The following SGCD variants were observed in gnomAD, a reference collection of about 807,000 sequenced individuals.
The protein encoded by SGCD is sarcoglycan delta.
Under a neutral mutation model 36.6 loss-of-function variants are expected in SGCD, and 18 were observed. The ratio of observed to expected loss-of-function variants is 0.49; its 90% CI spans 0.34 to 0.73. The LOEUF (loss-of-function observed/expected upper bound fraction) is 0.73. SGCD is among the 30% of genes least tolerant of loss of function. The probability of loss-of-function intolerance (pLI) is 0.01; values close to 1 mark genes in which losing one functional copy is unlikely to be tolerated. For synonymous variants in SGCD, 133 were observed against 130.6 expected (o/e 1.02, Z -0.12); for missense variants, 387 against 346.7 (o/e 1.12, Z -0.92).
chr5:156,723,266 A>G (rs1755601448), intron 7 of SGCD, among the ~76,000 whole-genome samples: 1 of 152,238 alleles, frequency 6.6e-6, no homozygotes, highest in Non-Finnish European at 1.5e-5. Flanking sequence ...TGTCACCTCC[A>G]TCCTGCTCCT....
intron 3 of SGCD, among the ~76,000 whole-genome samples, chr5:156,492,300 A>G (rs1755980040): frequency 1.3e-5 from 2 of 152,138 alleles, no homozygotes; most frequent in African/African-American, 4.8e-5. Flanking sequence ...ATGTGTGTGT[A>G]TGGATTTTTA....
intron 6 of SGCD, among the ~76,000 whole-genome samples, chr5:156,631,444 C>T (rs374827871): frequency 4.1e-5 from 6 of 147,636 alleles, no homozygotes; most frequent in Admixed American, 6.8e-5. Context: ...TCTGCAGATA[C>T]GGGTTTTGAC....
At chr5:156,578,417 T>A (rs975812891) in intron 4 of SGCD, among the ~76,000 whole-genome samples, 38 of 152,346 alleles carry the variant, frequency 2.5e-4, no homozygotes, top group African/African-American at 8.9e-4. Context: ...ATCAGGATGA[T>A]GCTGGCCTCA....
intron 3 of SGCD, among the ~76,000 whole-genome samples, chr5:156,351,243 A>G (rs1451386738): frequency 1.3e-5 from 2 of 152,176 alleles, no homozygotes; most frequent in Non-Finnish European, 2.9e-5. Flanking sequence ...TATAAACTTA[A>G]TATCTACCCA....
intron 3 of SGCD, among the ~76,000 whole-genome samples, chr5:156,154,853 G>A (rs1443422807): frequency 6.6e-6 from 1 of 151,450 alleles, no homozygotes; most frequent in Non-Finnish European, 1.5e-5. Flanking sequence ...TTTCAAGAGG[G>A]CTGAAAATCA....
At chr5:156,642,709 C>T (rs563708084) in intron 6 of SGCD, among the ~76,000 whole-genome samples, 82 of 152,050 alleles carry the variant, frequency 5.4e-4, no homozygotes, top group East Asian at 7.8e-4. Context: ...CGTCATGATC[C>T]GCCTGCCTCA....
intron 6 of SGCD, among the ~76,000 whole-genome samples, chr5:156,623,033 T>C (rs1023220862): frequency 4.6e-5 from 7 of 152,076 alleles, no homozygotes; most frequent in Non-Finnish European, 1.0e-4. Context: ...AATATACATA[T>C]ATATTTTTGT....
At chr5:155,970,352 G>A (rs960056199) in intron 1 of SGCD, among the ~76,000 whole-genome samples, 9 of 151,922 alleles carry the variant, frequency 5.9e-5, no homozygotes, top group African/African-American at 2.2e-4. Flanking sequence ...TCGTTTATTA[G>A]GGCATTTATA....
intron 1 of SGCD, among the ~76,000 whole-genome samples, chr5:155,933,097 T>C (rs1445836310): frequency 6.6e-6 from 1 of 152,216 alleles, no homozygotes; most frequent in Non-Finnish European, 1.5e-5. Context: ...ACCTCAAAGT[T>C]CCTATGTCAT....
the SGCD span, among the ~76,000 whole-genome samples, chr5:155,774,845 A>G: frequency 1.3e-5 from 2 of 152,082 alleles, no homozygotes; most frequent in Non-Finnish European, 2.9e-5. Flanking sequence ...GGTCAAGGAC[A>G]TTTCTGGAGG....
chr5:156,522,736 TAAA>T (rs11351184), intron 4 of SGCD, among the ~76,000 whole-genome samples: 2 of 145,924 alleles, frequency 1.4e-5, no homozygotes, highest in Non-Finnish European at 3.0e-5. Flanking sequence ...CCCCAGCACT[TAAA>T]AAAAAAAAAG....
In SGCD at chr5:156,488,346, A is replaced by C. The variant is rs373199128; in HGVS notation, c.193-20255A>C. On this transcript the variant is annotated intron_variant, in intron 3 of 8. Transcript: ENST00000337851. Reference sequence around the variant, plus strand: ...CCCCCCAAATGGATTCAACCCAACAAGGTCTTCTCTAAGGCTTATTATAGT... The same window carrying C: ...CCCCCCAAATGGATTCAACCCAACACGGTCTTCTCTAAGGCTTATTATAGT... Among the ~76,000 whole-genome samples the C allele has an allele frequency of 5.9e-5, 9 of 152,136 alleles. No individual in the cohort carries two copies. In the South Asian group the frequency reaches 8.3e-4, roughly 14 times the overall value.
intron 7 of SGCD, among the ~76,000 whole-genome samples, chr5:156,731,522 A>T (rs1756060827): frequency 1.3e-5 from 2 of 152,002 alleles, no homozygotes; most frequent in African/African-American, 4.8e-5. Context: ...TGTTTTTGTC[A>T]GGTTTATCAA....
chr5:156,680,195 C>T (rs758635971), intron 7 of SGCD, among the ~76,000 whole-genome samples: 4 of 152,014 alleles, frequency 2.6e-5, no homozygotes, highest in Admixed American at 6.6e-5. Flanking sequence ...ATGGGGAAAC[C>T]GAGGCCTAGA....
chr5:156,743,168 G>A (rs1243929325), intron 7 of SGCD, among the ~76,000 whole-genome samples: 1 of 148,430 alleles, frequency 6.7e-6, no homozygotes, highest in Non-Finnish European at 1.5e-5. Flanking sequence ...CTGGAGTGCA[G>A]TGGCACAATC....
intron 1 of SGCD, among the ~76,000 whole-genome samples, chr5:155,890,026 C>T (rs1561639939): frequency 6.6e-6 from 1 of 152,220 alleles, no homozygotes; most frequent in Non-Finnish European, 1.5e-5. Context: ...CTGCACTTAT[C>T]AAAGTGCAGA....
chr5:156,025,535 A>G (rs558477408), intron 1 of SGCD, among the ~76,000 whole-genome samples: 4 of 152,152 alleles, frequency 2.6e-5, no homozygotes, highest in Non-Finnish European at 5.9e-5. Context: ...TTGCAGTTTT[A>G]CCCAGATTCA....
At chr5:155,887,150 C>T (rs1252757511) in intron 1 of SGCD, among the ~76,000 whole-genome samples, 1 of 152,176 alleles carries the variant, frequency 6.6e-6, no homozygotes, top group Non-Finnish European at 1.5e-5. Context: ...AGAGACTTTC[C>T]TGCTTCACAC....
chr5:156,594,989 A>C lies in SGCD; in HGVS notation c.440A>C (p.Lys147Thr). The part of the protein sequence containing the change: ...KKFEVKTVSG[K>T]LLFSADNNEV... Reference sequence around the variant, plus strand: ...TTTGAGGTAAAAACTGTTTCTGGAAAATTGCTCTTCTCTGCAGACAATAAT... The same window carrying C: ...TTTGAGGTAAAAACTGTTTCTGGAACATTGCTCTTCTCTGCAGACAATAAT... Residue 147 changes from lysine to threonine, a missense_variant, in exon 6 of 9, where the codon AAA (lysine) becomes ACA (threonine). By Grantham distance (78) the Lys-to-Thr change is moderately conservative (BLOSUM62 -1). Transcript: ENST00000337851. 1 of 1,612,702 alleles carries C rather than the reference A, an allele frequency of 6.2e-7. No homozygotes were observed. Among genetic ancestry groups the C allele is most frequent in the Non-Finnish European group, 8.5e-7 (1 of 1,179,112 alleles).
Sources: gnomAD v4.1 joint callset for allele counts (sites outside exome capture counted in the v4.1 genomes callset) on GRCh38, gnomAD v4.1.1 for gene constraint, MANE v1.5 for transcripts, NCBI Gene and HGNC (gene_info 2026-07-23, HGNC 2026-07-21) for gene names.